Variants in FAF1 observed in about 807,000 individuals in gnomAD.
FAF1 encodes the protein Fas associated factor 1, also known as FAS-associated factor 1.
In FAF1, 25 loss-of-function variants were observed where a neutral mutation model predicts 92.5. The ratio of observed to expected loss-of-function variants is 0.27; its 90% CI spans 0.20 to 0.38. The LOEUF is 0.38. Among genes scored for constraint, FAF1 ranks in the 10% least tolerant of loss-of-function variants. The pLI is 1.00. For synonymous variants in FAF1, 234 were observed against 273.2 expected, an observed-to-expected ratio of 0.86 and a Z score of 1.42; for missense variants, 636 against 793.3, an observed-to-expected ratio of 0.80 and a Z score of 2.38.
At chr1:50,890,614 C>T (rs1287214417) in intron 1 of FAF1, among the ~76,000 whole-genome samples, 2 of 152,142 alleles carry the variant, frequency 1.3e-5, no homozygotes, top group Admixed American at 1.3e-4. Context: ...TTCCCCTTCA[C>T]TTATGAAGCT....
At chr1:50,726,798 C>G (rs1467392672) in intron 6 of FAF1, among the ~76,000 whole-genome samples, 1 of 151,996 alleles carries the variant, frequency 6.6e-6, no homozygotes, top group East Asian at 1.9e-4. Flanking sequence ...CACTGCACTC[C>G]AACCTGGGTG....
Position 50,583,616 on chromosome 1 carries a change from A to T in FAF1, c.1031+36T>A, listed in dbSNP as rs781338966. ...AAGAAAAATCACAGTAGCATAAAAC[A>T]GCATCAAATTTATATAGTTAATGTC... On this transcript the variant is annotated intron_variant, in intron 11 of 18. Coordinates refer to ENST00000396153, the MANE Select transcript of FAF1 (RefSeq NM_007051.3). The surrounding 1 kb of genome is among the most constrained non-coding windows in gnomAD (Gnocchi z 4.2). 7.7e-7 allele frequency: 1 copy of T among 1,293,452 alleles called. No homozygotes were observed. Among genetic ancestry groups the T allele is most frequent in the Non-Finnish European group, 1.1e-6 (1 of 941,088 alleles). The allele number at this position is 1,293,452 out of a possible 1,614,324, so 80.1% of individuals were successfully genotyped here. A position where few individuals can be genotyped will look rare whatever the true frequency, so the allele number is the denominator to read the frequency against.
rs74080069 is a variant in FAF1, at chr1:50,737,349, C to T, written c.551+1514G>A. ...ACATTTTGATAAATCCATTTAATCA[C>T]GCTACTGGAAAGCAACAGATTATAA... On this transcript the variant is annotated intron_variant, in intron 6 of 18. Coordinates refer to ENST00000396153, the MANE Select transcript of FAF1 (RefSeq NM_007051.3). Among the ~76,000 whole-genome samples the T allele has an allele frequency of 8.0e-3, 1,212 of 152,238 alleles. 13 individuals are homozygous for T. The highest frequency in any genetic ancestry group is 0.028 in the African/African-American group (1,164 of 41,532).
intron 18 of FAF1, among the ~76,000 whole-genome samples, chr1:50,451,490 A>T (rs1399495433): frequency 6.6e-6 from 1 of 152,216 alleles, no homozygotes; most frequent in Non-Finnish European, 1.5e-5. Flanking sequence ...GTGGCAGAGC[A>T]AGGATTTAAA....
chr1:50,813,088 G>A (rs1310774814), intron 2 of FAF1, among the ~76,000 whole-genome samples: 1 of 152,092 alleles, frequency 6.6e-6, no homozygotes, highest in Non-Finnish European at 1.5e-5. Flanking sequence ...TGGGAGGAAG[G>A]TGAGGACAGA....
intron 15 of FAF1, among the ~76,000 whole-genome samples, chr1:50,532,535 CCTAA>C (rs951515382): frequency 3.9e-5 from 6 of 152,244 alleles, no homozygotes; most frequent in South Asian, 4.1e-4. Flanking sequence ...ATTACAAATT[CCTAA>C]CTAAGTACAG....
At chr1:50,885,817 T>C (rs1231135053) in intron 1 of FAF1, among the ~76,000 whole-genome samples, 1 of 152,192 alleles carries the variant, frequency 6.6e-6, no homozygotes, top group Admixed American at 6.5e-5. Flanking sequence ...GTAGTATGAG[T>C]TAATTTCTTG....
chr1:50,837,215 C>T (rs1189173195), intron 2 of FAF1, among the ~76,000 whole-genome samples: 2 of 152,080 alleles, frequency 1.3e-5, no homozygotes, highest in Non-Finnish European at 2.9e-5. Context: ...CTTGGCCTCC[C>T]AAAGTGCTGG....
intron 6 of FAF1, among the ~76,000 whole-genome samples, chr1:50,736,947 T>A (rs940604174): frequency 1.3e-5 from 2 of 152,194 alleles, no homozygotes; most frequent in African/African-American, 2.4e-5. Context: ...TCTAGTTTTA[T>A]AGAAAGATAC....
intron 8 of FAF1, among the ~76,000 whole-genome samples, chr1:50,643,750 G>A (rs758388839): frequency 3.3e-5 from 5 of 152,052 alleles, no homozygotes; most frequent in Non-Finnish European, 5.9e-5. Context: ...GCACCACCAT[G>A]CCTGGCTAAT....
At chr1:50,525,985 T>C (rs1647774924) in intron 15 of FAF1, among the ~76,000 whole-genome samples, 1 of 152,192 alleles carries the variant, frequency 6.6e-6, no homozygotes, top group Non-Finnish European at 1.5e-5. Context: ...AACCACAAAC[T>C]TTAGGAAAAT....
chr1:50,727,216 T>C (rs1277271732), intron 6 of FAF1, among the ~76,000 whole-genome samples: 1 of 152,240 alleles, frequency 6.6e-6, no homozygotes, highest in Admixed American at 6.5e-5. Context: ...TTCTGGAAAG[T>C]ACTCACTATC....
intron 8 of FAF1, among the ~76,000 whole-genome samples, chr1:50,610,870 A>G (rs1338664135): frequency 6.6e-6 from 1 of 152,226 alleles, no homozygotes; most frequent in Non-Finnish European, 1.5e-5. Flanking sequence ...AAAGAAAAAA[A>G]AAGTTTCTAA....
intron 1 of FAF1, among the ~76,000 whole-genome samples, chr1:50,865,250 C>G (rs1289505556): frequency 6.6e-6 from 1 of 152,090 alleles, no homozygotes; most frequent in Non-Finnish European, 1.5e-5. Flanking sequence ...GGACTGTAAA[C>G]TAGTTCAACC....
Position 50,468,419 on chromosome 1 carries a change from A to G in FAF1, c.1869+7045T>C, listed in dbSNP as rs189281864. On this transcript the variant is annotated intron_variant, in intron 18 of 18. Coordinates refer to ENST00000396153, the MANE Select transcript of FAF1 (RefSeq NM_007051.3). The stretch of plus-strand genomic sequence containing the variant: ...GCAATTCTCGTGCCTCAGCCTCCCA[A>G]GTAGATGGGATTACAGGTGCACGCC... Among the ~76,000 whole-genome samples, 42 of 149,168 alleles carry G rather than the reference A, an allele frequency of 2.8e-4. No homozygotes were observed. In the East Asian group the frequency reaches 8.5e-3, roughly 30 times the overall value.
At chr1:50,733,749 T>G (rs1339526658) in intron 6 of FAF1, among the ~76,000 whole-genome samples, 1 of 152,112 alleles carries the variant, frequency 6.6e-6, no homozygotes, top group Non-Finnish European at 1.5e-5. Context: ...CAAGGAGAAA[T>G]AAATGCCTAT....
chr1:50,659,289 A>G (rs915008812), intron 7 of FAF1, among the ~76,000 whole-genome samples: 1 of 151,922 alleles, frequency 6.6e-6, no homozygotes, highest in Non-Finnish European at 1.5e-5. Flanking sequence ...AGGGAAAAGG[A>G]GGAAAGAGAA....
At chr1:50,562,642 T>C (rs554092941) in intron 13 of FAF1, among the ~76,000 whole-genome samples, 1 of 152,360 alleles carries the variant, frequency 6.6e-6, no homozygotes, top group South Asian at 2.1e-4. Flanking sequence ...AGTTCATCTA[T>C]ACTCCTAAAG....
chr1:50,952,248 C>T (rs1645220827), intron 1 of FAF1, among the ~76,000 whole-genome samples: 1 of 152,204 alleles, frequency 6.6e-6, no homozygotes, highest in South Asian at 2.1e-4. Context: ...CCTGGGATTG[C>T]AGGCGCGCGC....
Sources: allele counts gnomAD v4.1 joint callset (sites outside exome capture counted in the v4.1 genomes callset), GRCh38; gene constraint gnomAD v4.1.1; non-coding constraint Gnocchi (gnomAD v3.1); transcripts MANE v1.5; gene names NCBI Gene and HGNC (gene_info 2026-07-23, HGNC 2026-07-21).